The following GPR89B variants were observed in gnomAD, a reference collection of about 807,000 sequenced individuals.
GPR89B encodes the protein G protein-coupled receptor 89B.
GPR89B carries 25 observed loss-of-function variants against 52.4 expected under a neutral mutation model. The observed-to-expected ratio is 0.48, with a 90% CI of 0.35 to 0.67. The LOEUF (loss-of-function observed/expected upper bound fraction) is 0.67, where lower values mean the gene tolerates loss of function less well. Ranked by LOEUF, GPR89B falls within the 30% of genes least tolerant of loss-of-function variation. The pLI is 0.01. For synonymous variants in GPR89B, 52 were observed against 151.2 expected (o/e 0.34, Z 4.81); for missense variants, 146 against 450.2 (o/e 0.32, Z 6.11).
At chr1:147,999,298 C>T in the GPR89B span, among the ~76,000 whole-genome samples, 1,087 of 151,682 alleles carry the variant, frequency 7.2e-3, 13 homozygotes, top group African/African-American at 0.024. Flanking sequence ...CTGTTGTGCC[C>T]CATAGGACAC....
At chr1:147,979,626 A>T (rs879954975) in intron 10 of GPR89B, among the ~76,000 whole-genome samples, 1 of 152,020 alleles carries the variant, frequency 6.6e-6, no homozygotes, top group Non-Finnish European at 1.5e-5. Flanking sequence ...CTTTTACTGC[A>T]TCTATTGAGA....
intron 10 of GPR89B, among the ~76,000 whole-genome samples, 193 bp downstream of exon 10, chr1:147,970,152 T>A (rs1257499758): frequency 6.6e-6 from 1 of 151,884 alleles, no homozygotes; most frequent in African/African-American, 2.4e-5. Context: ...ATAAGGAAGG[T>A]TGCATTTTTC....
chr1:148,016,862 C>A, the GPR89B span, among the ~76,000 whole-genome samples: 56 of 150,650 alleles, frequency 3.7e-4, no homozygotes, highest in Non-Finnish European at 7.1e-4. Flanking sequence ...AAAAAAAAAT[C>A]TTTTGTCTGT....
intron 3 of GPR89B, among the ~76,000 whole-genome samples, chr1:147,940,211 G>C (rs1553248699): frequency 6.6e-6 from 1 of 151,894 alleles, no homozygotes; most frequent in Non-Finnish European, 1.5e-5. Context: ...AGACCATCCT[G>C]GCTAACATGG....
At chr1:147,990,530 A>G (rs1475694151) in intron 12 of GPR89B, among the ~76,000 whole-genome samples, 1 of 152,148 alleles carries the variant, frequency 6.6e-6, no homozygotes, top group African/African-American at 2.4e-5. Flanking sequence ...GCCCATGCCT[A>G]TGTCCTGAAT....
chr1:147,929,522 C>G (rs1653350701), intron 1 of GPR89B, among the ~76,000 whole-genome samples: 1 of 152,118 alleles, frequency 6.6e-6, no homozygotes, highest in African/African-American at 2.4e-5. Flanking sequence ...ACCTTCTTCC[C>G]CTCATCTTTC....
intron 5 of GPR89B, among the ~76,000 whole-genome samples, chr1:147,947,879 G>A (rs1655112517): frequency 6.6e-6 from 1 of 151,894 alleles, no homozygotes. Flanking sequence ...AATTCAAGAG[G>A]TATACGGCAA....
chr1:148,012,436 C>T, the GPR89B span, among the ~76,000 whole-genome samples: 1 of 151,838 alleles, frequency 6.6e-6, no homozygotes, highest in Non-Finnish European at 1.5e-5. Flanking sequence ...CTTCCTTACC[C>T]TCTCCTGGCC....
chr1:147,991,183 C>A lies in GPR89B; in HGVS notation c.1096-1319C>A, dbSNP rs1487589401. The stretch of plus-strand genomic sequence containing the variant: ...CTTCACATCCCTTGTAAATTGGATT[C>A]CTAGGTATTTTATTCTCTTTGAAGC... On this transcript the variant is annotated intron_variant, in intron 12 of 13. Coordinates refer to ENST00000314163, the MANE Select transcript of GPR89B (RefSeq NM_016334.5). Among the ~76,000 whole-genome samples, 490 of 151,342 alleles carry A rather than the reference C, an allele frequency of 3.2e-3. 12 individuals are homozygous for A. The East Asian group carries it at 0.051, about 16-fold the overall frequency.
the GPR89B span, among the ~76,000 whole-genome samples, chr1:148,006,981 C>T: frequency 7.9e-5 from 12 of 151,724 alleles, no homozygotes; most frequent in Non-Finnish European, 1.6e-4. Context: ...ACTCTCAAAG[C>T]GCTAGGATTA....
chr1:147,936,203 T>A (rs9437991), intron 1 of GPR89B, among the ~76,000 whole-genome samples: 6 of 151,960 alleles, frequency 3.9e-5, no homozygotes, highest in East Asian at 3.9e-4. Context: ...GTAGAGACGG[T>A]GCTTTGCCAT....
chr1:148,002,572 GTTC>G, the GPR89B span, among the ~76,000 whole-genome samples: 12 of 152,038 alleles, frequency 7.9e-5, no homozygotes, highest in East Asian at 1.9e-4. Context: ...AATTTCAGCA[GTTC>G]TTCTTGCGTA....
chr1:147,999,000 C>T, the GPR89B span, among the ~76,000 whole-genome samples: 1 of 151,698 alleles, frequency 6.6e-6, no homozygotes, highest in Admixed American at 6.6e-5. Flanking sequence ...TCTCAAAGAT[C>T]TACCCTCCAC....
chr1:148,003,708 G>T, the GPR89B span: 1 of 493,330 alleles, frequency 2.0e-6, no homozygotes, highest in Non-Finnish European at 3.7e-6. Flanking sequence ...TGGGAGTTGG[G>T]AACCTAATGG....
the GPR89B span, among the ~76,000 whole-genome samples, chr1:148,003,619 A>G: frequency 6.6e-6 from 1 of 152,124 alleles, no homozygotes; most frequent in Admixed American, 6.5e-5. Context: ...GAAACTTTTG[A>G]TGCCCAACAT....
chr1:147,964,933 G>A (rs1403086479), intron 7 of GPR89B, among the ~76,000 whole-genome samples: 4 of 151,632 alleles, frequency 2.6e-5, no homozygotes, highest in Admixed American at 6.6e-5. Context: ...AAGCTGAAAT[G>A]AACTATTAAA....
the GPR89B span, among the ~76,000 whole-genome samples, chr1:148,002,061 A>G: frequency 6.8e-6 from 1 of 147,440 alleles, no homozygotes; most frequent in African/African-American, 2.5e-5. Context: ...TTTTTTAACA[A>G]GTTCCTGTTT....
At chr1:147,971,560 T>TCC (rs1316275845) in intron 10 of GPR89B, among the ~76,000 whole-genome samples, 1 of 131,110 alleles carries the variant, frequency 7.6e-6, no homozygotes, top group Non-Finnish European at 1.6e-5. Context: ...CTGCAACCCC[T>TCC]CCGCCTTCCA....
chr1:147,951,924 A>G (rs1655745645), intron 5 of GPR89B, among the ~76,000 whole-genome samples: 1 of 151,998 alleles, frequency 6.6e-6, no homozygotes, highest in Non-Finnish European at 1.5e-5. Flanking sequence ...TGTATATTCA[A>G]TGTTATAAAA....
Sources: allele counts gnomAD v4.1 joint callset (sites outside exome capture counted in the v4.1 genomes callset), GRCh38; gene constraint gnomAD v4.1.1; transcripts MANE v1.5; gene names NCBI Gene and HGNC (gene_info 2026-07-23, HGNC 2026-07-21).